SMARCA2: variants seen among roughly 807,000 people sequenced by gnomAD.
SMARCA2 encodes SWI/SNF-related matrix-associated actin-dependent regulator of chromatin subfamily A member 2.
A neutral mutation model predicts 199.8 loss-of-function variants in SMARCA2; 61 were observed. The ratio of observed to expected loss-of-function variants is 0.31; its 90% confidence interval spans 0.25 to 0.38. The LOEUF (loss-of-function observed/expected upper bound fraction) is 0.38, where lower values mean the gene tolerates loss of function less well. Among genes scored for constraint, SMARCA2 ranks in the 10% least tolerant of loss-of-function variants. The pLI is 1.00. For synonymous variants in SMARCA2, 935 were observed against 732.0 expected, an observed-to-expected ratio of 1.28 and a Z score of -4.48; for missense variants, 1,344 against 2,012.2, an observed-to-expected ratio of 0.67 and a Z score of 6.35.
chr9:2,138,175 CA>C (rs1586743748), intron 27 of SMARCA2, among the ~76,000 whole-genome samples: 1 of 124,464 alleles, frequency 8.0e-6, no homozygotes, highest in Non-Finnish European at 1.5e-5. Context: ...CAAAAAACAA[CA>C]ACAACAACAA....
At chr9:2,070,384 G>A (rs747773327) in intron 9 of SMARCA2, 34 bp from the exon 10 acceptor site, 2 of 1,598,752 alleles carry the variant, frequency 1.3e-6, no homozygotes, top group Non-Finnish European at 8.6e-7. Context: ...CATCATCTTG[G>A]TTACTTATAA....
intron 32 of SMARCA2, among the ~76,000 whole-genome samples, chr9:2,187,239 A>G (rs1827531371): frequency 6.6e-6 from 1 of 152,048 alleles, no homozygotes; most frequent in Non-Finnish European, 1.5e-5. Context: ...TTTACCTTTT[A>G]GGATATTAGT....
intron 27 of SMARCA2, among the ~76,000 whole-genome samples, chr9:2,130,681 G>A (rs940969912): frequency 6.6e-6 from 1 of 152,018 alleles, no homozygotes; most frequent in Non-Finnish European, 1.5e-5. Flanking sequence ...ATATTTGCAT[G>A]CGCAATTATA....
At position 2,139,389 on chromosome 9, in the gene SMARCA2, G is replaced by A. The variant is rs531618291; in HGVS notation, c.3981+15452G>A. ...ATGCAGTTATAGAAGTGTGGAAAATGGTCCTCATGTGCTAAGTTAGCCTCT... is the reference window on the plus strand; with the variant it reads ...ATGCAGTTATAGAAGTGTGGAAAATAGTCCTCATGTGCTAAGTTAGCCTCT... On this transcript the variant is annotated intron_variant, in intron 27 of 33. Transcript: ENST00000349721. Among the ~76,000 whole-genome samples the A allele has an allele frequency of 1.6e-4, 24 of 152,286 alleles. No individual in the cohort carries two copies. In the East Asian group the frequency reaches 3.9e-3, roughly 24 times the overall value.
chr9:2,191,133 A>G (rs1827849553), intron 32 of SMARCA2, 133 bp from the exon 33 acceptor site: 1 of 830,438 alleles, frequency 1.2e-6, no homozygotes, highest in Non-Finnish European at 2.0e-6. Context: ...CACACAGAAC[A>G]GGCATAAACC....
chr9:2,019,139 GA>G (rs199837150), intron 1 of SMARCA2, among the ~76,000 whole-genome samples: 13,428 of 145,362 alleles, frequency 0.092, 703 homozygotes, highest in East Asian at 0.22. Context: ...AGACTGAGGG[GA>G]AAAAAAAAAA....
At chr9:2,112,756 A>C (rs535042573) in intron 24 of SMARCA2, among the ~76,000 whole-genome samples, 16 of 152,216 alleles carry the variant, frequency 1.1e-4, no homozygotes, top group Non-Finnish European at 1.5e-5. Context: ...GAACAGGACC[A>C]TTAGTTTGGT....
intron 3 of SMARCA2, among the ~76,000 whole-genome samples, chr9:2,033,356 G>A (rs1235946114): frequency 1.3e-5 from 2 of 152,138 alleles, no homozygotes; most frequent in African/African-American, 2.4e-5. Flanking sequence ...AATCTTTATC[G>A]TGATCTTTTA....
At chr9:2,127,796 G>A (rs3829072) in intron 27 of SMARCA2, among the ~76,000 whole-genome samples, 46,693 of 152,078 alleles carry the variant, frequency 0.31, 12,061 homozygotes, top group African/African-American at 0.7. Context: ...TTCTTTGCCA[G>A]TGGTGTTTTG....
rs1043162338 is a variant in SMARCA2 at position 2,039,075 on chromosome 9, C to G, written c.356-391C>G. Among the ~76,000 whole-genome samples the G allele has an allele frequency of 6.6e-6, 1 of 151,906 alleles. No homozygotes were observed. Among genetic ancestry groups the G allele is most frequent in the Non-Finnish European group, 1.5e-5 (1 of 67,990 alleles). ...TTGATCACTTGAAGTGTGGTTAGTTCGAATTGAGATGTCCTTTAAGTGTAA... is the reference window on the plus strand; with the variant it reads ...TTGATCACTTGAAGTGTGGTTAGTTGGAATTGAGATGTCCTTTAAGTGTAA... On this transcript the variant is annotated intron_variant, in intron 3 of 33. Coordinates refer to ENST00000349721, the MANE Select transcript of SMARCA2 (RefSeq NM_003070.5). The surrounding 1 kb of genome is among the most constrained non-coding windows in gnomAD (Gnocchi z 4.8).
intron 32 of SMARCA2, among the ~76,000 whole-genome samples, chr9:2,188,779 C>T (rs896950956): frequency 6.6e-6 from 1 of 152,224 alleles, no homozygotes; most frequent in African/African-American, 2.4e-5. Flanking sequence ...GCATTCCTTT[C>T]TGGATGCTCT....
intron 14 of SMARCA2, among the ~76,000 whole-genome samples, chr9:2,080,834 G>A (rs1821536597): frequency 6.6e-6 from 1 of 152,074 alleles, no homozygotes; most frequent in Non-Finnish European, 1.5e-5. Flanking sequence ...ACCACTTCTT[G>A]GCATATGTGT....
intron 29 of SMARCA2, among the ~76,000 whole-genome samples, chr9:2,176,186 T>TTTTTTTTTTTG (rs1231599013): frequency 6.2e-5 from 8 of 129,326 alleles, no homozygotes; most frequent in African/African-American, 2.4e-4. Context: ...CGGCCTGTTT[T>TTTTTTTTTTTG]TTTTTTTTTT....
intron 27 of SMARCA2, among the ~76,000 whole-genome samples, chr9:2,128,657 A>G (rs1171811875): frequency 1.3e-5 from 2 of 152,244 alleles, no homozygotes; most frequent in Admixed American, 1.3e-4. Context: ...GTATAAAAGT[A>G]TGTAACTGTA....
At position 2,073,346 on chromosome 9, in the gene SMARCA2, A is replaced by C. The variant is rs1456245935; in HGVS notation, c.1877+4A>C. ...CCTGGCTGGAAATGAATCCTGGGTA[A>C]GGCATGAAAGCAGCGTTCATGGTGT... On this transcript the variant is annotated splice_donor_region_variant and intron_variant, in intron 11 of 33. Transcript: ENST00000349721. The C allele has an allele frequency of 8.1e-6, 13 of 1,614,194 alleles. No individual in the cohort carries two copies. Among genetic ancestry groups the C allele is most frequent in the Non-Finnish European group, 1.0e-5 (12 of 1,180,032 alleles).
At chr9:2,101,242 G>C (rs554559846) in intron 21 of SMARCA2, among the ~76,000 whole-genome samples, 1 of 151,954 alleles carries the variant, frequency 6.6e-6, no homozygotes, top group African/African-American at 2.4e-5. Flanking sequence ...CTTGAGTTCA[G>C]ATCCACCCTA....
At chr9:2,107,591 T>C (rs560312455) in intron 23 of SMARCA2, among the ~76,000 whole-genome samples, 98 of 152,352 alleles carry the variant, frequency 6.4e-4, no homozygotes, top group Non-Finnish European at 1.1e-3. Context: ...GTGCTGGGAT[T>C]ACAGGTGTGA....
chr9:2,172,312 C>A (rs1826293913), intron 29 of SMARCA2, among the ~76,000 whole-genome samples: 1 of 151,876 alleles, frequency 6.6e-6, no homozygotes, highest in Non-Finnish European at 1.5e-5. Flanking sequence ...AATGCAAGTA[C>A]CTGGTATGAA....
intron 29 of SMARCA2, among the ~76,000 whole-genome samples, chr9:2,177,492 A>G (rs10491697): frequency 0.29 from 43,959 of 151,958 alleles, 7,614 homozygotes; most frequent in African/African-American, 0.48. Flanking sequence ...ACTAATTATC[A>G]ATTTTCGCCT....
Sources: gnomAD v4.1 joint callset for allele counts (sites outside exome capture counted in the v4.1 genomes callset) on GRCh38, gnomAD v4.1.1 for gene constraint, Gnocchi (gnomAD v3.1) non-coding constraint, MANE v1.5 for transcripts, NCBI Gene and HGNC (gene_info 2026-07-23, HGNC 2026-07-21) for gene names.